PARP16: variants seen among roughly 807,000 people sequenced by gnomAD.
The protein encoded by PARP16 is poly(ADP-ribose) polymerase family member 16.
Under a neutral mutation model 35.0 loss-of-function variants are expected in PARP16, and 31 were observed. The ratio of observed to expected loss-of-function variants is 0.88; its 90% CI spans 0.66 to 1.19. The LOEUF (loss-of-function observed/expected upper bound fraction) is 1.19. Among genes scored for constraint, PARP16 ranks in the 50% most tolerant of loss-of-function variants. The pLI is 0.00. For synonymous variants in PARP16, 162 were observed against 169.5 expected, an observed-to-expected ratio of 0.96 and a Z score of 0.34; for missense variants, 424 against 411.2, an observed-to-expected ratio of 1.03 and a Z score of -0.27.
rs576966199 is a variant in PARP16, at chr15:65,251,315, A to G, written c.203-3087T>C. ...TTTCTATAGTTAACAAAGGATTTACATTAAAAATAATGATGCTCCAGGATG... is the reference window on the plus strand; with the variant it reads ...TTTCTATAGTTAACAAAGGATTTACGTTAAAAATAATGATGCTCCAGGATG... On this transcript the variant is annotated intron_variant and NMD_transcript_variant, in intron 2 of 3. Transcript: ENST00000559805. 4.3e-4 allele frequency among the ~76,000 whole-genome samples: 66 copies of G among 152,358 alleles called. 1 individual carries two copies. In the Middle Eastern group the frequency reaches 0.01, roughly 24 times the overall value.
Position 65,266,735 on chromosome 15 carries a change from G to C in PARP16, c.346C>G (p.His116Asp). ...AAGTCCGGTGCAGGAACAGGCGTGT[G>C]AGGAGCCCCAGTCAGCTTTTGGATC... ...EKIQKLTGAP[H>D]TPVPAPDFLF... Residue 116 changes from histidine (H) to aspartate (D), a missense_variant, in exon 3 of 6, where the codon CAC becomes GAC. By Grantham distance (81) the His-to-Asp change is moderately conservative. Transcript: ENST00000649807. The C allele has an allele frequency of 1.9e-6, 3 of 1,614,096 alleles. No homozygotes were observed. The highest frequency in any genetic ancestry group is 1.7e-6 in the Non-Finnish European group (2 of 1,179,974).
intron 3 of PARP16, 72 bp from the exon 4 acceptor site, chr15:65,263,392 G>C: frequency 1.5e-6 from 2 of 1,296,640 alleles, no homozygotes; most frequent in South Asian, 1.4e-5. Context: ...AGACGACACA[G>C]GTCTCTCTTC....
At position 65,259,265 on chromosome 15, in the gene PARP16, CATTTAGG is replaced by C. The variant is rs1181067127; in HGVS notation, c.*135_*141del. The C allele has an allele frequency of 1.3e-6, 1 of 749,452 alleles. No homozygotes were observed. The highest frequency in any genetic ancestry group is 2.3e-6 in the Non-Finnish European group (1 of 426,792). The allele number at this position is 749,452 out of a possible 1,614,324, so 46.4% of individuals were successfully genotyped here. A position where few individuals can be genotyped will look rare whatever the true frequency, so the allele number is the denominator to read the frequency against. ...GGAACATCATCAAAGGCAATGGATACATTTAGGCCATATGAAAATTGTCCTGTGGTCC... is the reference window on the plus strand; with the variant it reads ...GGAACATCATCAAAGGCAATGGATACCCATATGAAAATTGTCCTGTGGTCC... On this transcript the variant is annotated 3_prime_UTR_variant, in exon 6 of 6. Coordinates refer to ENST00000649807, the MANE Select transcript of PARP16 (RefSeq NM_001316943.2).
chr15:65,248,064 A>G, intron 3 of PARP16: 1 of 422,042 alleles, frequency 2.4e-6, no homozygotes, highest in South Asian at 1.7e-5. Context: ...TCGGCCTCCC[A>G]AAGTGCTGGG....
chr15:65,259,416 C>T lies in PARP16; in HGVS notation c.960G>A (p.Ala320=), dbSNP rs34957967. The T allele has an allele frequency of 4.7e-4, 764 of 1,614,092 alleles. 5 individuals are homozygous for T. In the African/African-American group the frequency reaches 8.0e-3, roughly 17 times the overall value. The change falls in exon 6 of 6, where the codon GCG becomes GCA. Residue 320 remains alanine (A), a synonymous_variant. Coordinates refer to ENST00000649807, the MANE Select transcript of PARP16 (RefSeq NM_001316943.2). ...SSAFQHFWNR[A]KR ...ACCAGGCCCAGAAAGATTATCTTTT[C>T]GCACGATTCCAAAAGTGTTGGAAAG...
chr15:65,283,671 G>A (rs1226323529), intron 1 of PARP16, among the ~76,000 whole-genome samples: 1 of 152,218 alleles, frequency 6.6e-6, no homozygotes, highest in Non-Finnish European at 1.5e-5. Context: ...GCCCAAAGCT[G>A]AGAGCTAGGG....
rs1467670118 is a variant in PARP16 at position 65,259,426 on chromosome 15, C to A, written c.950G>T (p.Trp317Leu). 1.2e-6 allele frequency: 2 copies of A among 1,614,128 alleles called. No homozygotes were observed. The highest frequency in any genetic ancestry group is 1.7e-6 in the Non-Finnish European group (2 of 1,180,006). ...VINSSAFQHF[W>L]NRAKR The stretch of plus-strand genomic sequence containing the variant: ...GAAAGATTATCTTTTCGCACGATTC[C>A]AAAAGTGTTGGAAAGCAGAGGAGTT... Residue 317 changes from tryptophan (W) to leucine (L), a missense_variant, in exon 6 of 6, where the codon TGG becomes TTG. Transcript: ENST00000649807.
chr15:65,273,703 C>T (rs957913339), intron 1 of PARP16, among the ~76,000 whole-genome samples: 1 of 151,760 alleles, frequency 6.6e-6, no homozygotes, highest in Non-Finnish European at 1.5e-5. Context: ...CATGAGAAAC[C>T]CCATCTCTAC....
intron 3 of PARP16, among the ~76,000 whole-genome samples, chr15:65,244,299 G>T (rs1170775908): frequency 1.3e-5 from 2 of 152,080 alleles, no homozygotes; most frequent in Non-Finnish European, 2.9e-5. Context: ...ATATTAGTCT[G>T]TTCTCATGCT....
intron 1 of PARP16, among the ~76,000 whole-genome samples, chr15:65,281,627 G>A (rs966160142): frequency 1.3e-5 from 2 of 150,800 alleles, no homozygotes; most frequent in Non-Finnish European, 2.9e-5. Context: ...GGAGGCAGAG[G>A]TTGCAGTGAG....
chr15:65,283,284 A>T (rs549378010), intron 1 of PARP16, among the ~76,000 whole-genome samples: 129 of 151,170 alleles, frequency 8.5e-4, no homozygotes, highest in East Asian at 4.5e-3. Context: ...TTTTTTTTTT[A>T]AAAAAAGCTG....
At chr15:65,273,735 G>A (rs966954789) in intron 1 of PARP16, among the ~76,000 whole-genome samples, 5 of 151,938 alleles carry the variant, frequency 3.3e-5, no homozygotes, top group African/African-American at 1.2e-4. Context: ...AATTAGCCGG[G>A]CGTAGTGGCA....
At chr15:65,260,812 G>T in intron 5 of PARP16, 73 bp downstream of exon 5, 3 of 1,406,480 alleles carry the variant, frequency 2.1e-6, no homozygotes, top group Non-Finnish European at 3.0e-6. Context: ...TGGGGGAGGG[G>T]AGGCTGATAC....
At chr15:65,239,424 T>TAAAAAAAAAAAAAAAAAAAAAGAAAAAAA (rs2088978251) in intron 3 of PARP16, among the ~76,000 whole-genome samples, 1 of 6,960 alleles carries the variant, frequency 1.4e-4, no homozygotes, top group Non-Finnish European at 2.2e-4. Flanking sequence ...AGACTTTGCC[T>TAAAAAAAAAAAAAAAAAAAAAGAAAAAAA]AAAAAAAAAA....
chr15:65,285,813 A>C (rs2090574879), intron 1 of PARP16, among the ~76,000 whole-genome samples: 3 of 152,210 alleles, frequency 2.0e-5, no homozygotes, highest in Admixed American at 2.0e-4. Context: ...CAGTTTATAA[A>C]AGTACTGCCC....
At chr15:65,251,752 GT>G (rs928535269) in intron 2 of PARP16, among the ~76,000 whole-genome samples, 9 of 149,082 alleles carry the variant, frequency 6.0e-5, no homozygotes, top group Non-Finnish European at 1.0e-4. Flanking sequence ...ACATGCCTAG[GT>G]TTTTTTTTTG....
intron 5 of PARP16, among the ~76,000 whole-genome samples, chr15:65,260,596 A>T (rs1253329630): frequency 6.6e-6 from 1 of 152,136 alleles, no homozygotes; most frequent in Non-Finnish European, 1.5e-5. Flanking sequence ...CATGGGCCTA[A>T]TGGCTAAGGG....
chr15:65,248,327 T>C (rs1301304730), intron 2 of PARP16: 7 of 455,324 alleles, frequency 1.5e-5, no homozygotes, highest in Non-Finnish European at 2.2e-5. Context: ...TCTGCACAAA[T>C]AGGCATATGT....
At chr15:65,243,729 T>C (rs1053910584) in intron 3 of PARP16, among the ~76,000 whole-genome samples, 1 of 150,494 alleles carries the variant, frequency 6.6e-6, no homozygotes, top group Admixed American at 6.6e-5. Context: ...TTTCATTTTA[T>C]TTTTTTTTGT....
Sources: allele counts gnomAD v4.1 joint callset (sites outside exome capture counted in the v4.1 genomes callset), GRCh38; gene constraint gnomAD v4.1.1; transcripts MANE v1.5; gene names NCBI Gene and HGNC (gene_info 2026-07-23, HGNC 2026-07-21).